TRAT1: variants seen among roughly 807,000 people sequenced by gnomAD.
TRAT1 encodes the protein T cell receptor associated transmembrane adaptor 1.
Under a neutral mutation model 20.0 loss-of-function variants are expected in TRAT1, and 20 were observed. That is an observed-to-expected ratio of 1.00 (90% CI 0.70 to 1.45). The LOEUF is 1.45. TRAT1 is among the 40% of genes most tolerant of loss of function. The pLI, the probability that TRAT1 is intolerant of heterozygous loss-of-function variation, is 0.00. For synonymous variants in TRAT1, 77 were observed against 74.2 expected, an observed-to-expected ratio of 1.04 and a Z score of -0.20; for missense variants, 237 against 224.1, an observed-to-expected ratio of 1.06 and a Z score of -0.37.
intron 2 of TRAT1, among the ~76,000 whole-genome samples, chr3:108,836,992 T>C (rs1192296604): frequency 1.3e-5 from 2 of 152,224 alleles, no homozygotes. Flanking sequence ...GAAATCAACA[T>C]ATACTTTATG....
chr3:108,830,825 G>C, intron 2 of TRAT1, 45 bp downstream of exon 2: 1 of 1,236,908 alleles, frequency 8.1e-7, no homozygotes, highest in Non-Finnish European at 1.2e-6. Flanking sequence ...CTTGAATGGA[G>C]ACTATGGAGT....
Position 108,843,369 on chromosome 3 carries a change from A to G in TRAT1, c.153-3699A>G, listed in dbSNP as rs114558991. 9.7e-3 allele frequency among the ~76,000 whole-genome samples: 1,473 copies of G among 152,148 alleles called. 26 individuals are homozygous for G. Among genetic ancestry groups the G allele is most frequent in the African/African-American group, 0.034 (1,423 of 41,490 alleles). ...ACATAGTAAAACTCTGTCTCCATTAAAAATACAAAAATTTGCTGGGCATGT... is the reference window on the plus strand; with the variant it reads ...ACATAGTAAAACTCTGTCTCCATTAGAAATACAAAAATTTGCTGGGCATGT... On this transcript the variant is annotated intron_variant, in intron 3 of 5. Transcript: ENST00000295756.
chr3:108,833,799 T>TACACACACACACACACACAC (rs3054303), intron 2 of TRAT1, among the ~76,000 whole-genome samples: 9 of 146,636 alleles, frequency 6.1e-5, no homozygotes, highest in African/African-American at 2.0e-4. Context: ...TTGTAAGAAT[T>TACACACACACACACACACAC]ACACACACAC....
At chr3:108,848,647 T>G (rs146180309) in intron 4 of TRAT1, among the ~76,000 whole-genome samples, 1,545 of 152,302 alleles carry the variant, frequency 0.01, 19 homozygotes, top group Middle Eastern at 0.017. Flanking sequence ...TGTCCGTCAC[T>G]GATTGATGGG....
chr3:108,849,699 G>T (rs1320509754), intron 5 of TRAT1, among the ~76,000 whole-genome samples: 1 of 152,194 alleles, frequency 6.6e-6, no homozygotes, highest in Non-Finnish European at 1.5e-5. Context: ...AAAGGCAGAT[G>T]ACTTTCAATT....
At chr3:108,849,145 A>G (rs542104431) in intron 4 of TRAT1, 21 bp from the exon 5 acceptor site, 1 of 1,597,990 alleles carries the variant, frequency 6.3e-7, no homozygotes, top group South Asian at 1.1e-5. Flanking sequence ...ATTGTGAATC[A>G]CAATCTTTTT....
chr3:108,825,938 A>C (rs1472147703), intron 1 of TRAT1, among the ~76,000 whole-genome samples: 1 of 152,162 alleles, frequency 6.6e-6, no homozygotes, highest in African/African-American at 2.4e-5. Flanking sequence ...GAAGTCACTA[A>C]ATACAGAGAA....
intron 2 of TRAT1, among the ~76,000 whole-genome samples, chr3:108,837,916 A>T (rs1172757822): frequency 6.6e-6 from 1 of 152,200 alleles, no homozygotes; most frequent in Non-Finnish European, 1.5e-5. Context: ...ATTAAAGAAA[A>T]TTCTTAAAAC....
At chr3:108,841,726 CT>C (rs1472392151) in intron 3 of TRAT1, among the ~76,000 whole-genome samples, 1 of 152,138 alleles carries the variant, frequency 6.6e-6, no homozygotes, top group East Asian at 1.9e-4. Flanking sequence ...AACATGATCA[CT>C]TTAAGGAAAC....
chr3:108,824,550 T>C (rs1945719762), intron 1 of TRAT1, among the ~76,000 whole-genome samples: 1 of 152,216 alleles, frequency 6.6e-6, no homozygotes, highest in Non-Finnish European at 1.5e-5. Context: ...TTAATTAGTA[T>C]GCTTTGTACT....
At chr3:108,842,269 C>T (rs1945902530) in intron 3 of TRAT1, among the ~76,000 whole-genome samples, 2 of 152,186 alleles carry the variant, frequency 1.3e-5, no homozygotes, top group African/African-American at 4.8e-5. Flanking sequence ...CTCAGCTACT[C>T]TTCTACTTTC....
intron 1 of TRAT1, among the ~76,000 whole-genome samples, chr3:108,828,387 A>G (rs1366272880): frequency 6.6e-6 from 1 of 152,162 alleles, no homozygotes; most frequent in Admixed American, 6.5e-5. Flanking sequence ...AAGATAACCA[A>G]ATAAGTCAAG....
chr3:108,835,549 T>A (rs113538316), intron 2 of TRAT1, among the ~76,000 whole-genome samples: 1 of 152,196 alleles, frequency 6.6e-6, no homozygotes, highest in South Asian at 2.1e-4. Context: ...TTAAAGAGAT[T>A]ATAACCTTCT....
At chr3:108,852,543 A>C (rs1278347209) in intron 5 of TRAT1, among the ~76,000 whole-genome samples, 1 of 152,196 alleles carries the variant, frequency 6.6e-6, no homozygotes, top group Non-Finnish European at 1.5e-5. Flanking sequence ...AATGTTGTTA[A>C]TCCAAATGTT....
rs113436389 is a variant in TRAT1, at chr3:108,850,398, G to A, written c.303+1144G>A. Among the ~76,000 whole-genome samples, 601 of 151,244 alleles carry A rather than the reference G, an allele frequency of 4.0e-3. 4 individuals are homozygous for A. The highest frequency in any genetic ancestry group is 0.017 in the Middle Eastern group (5 of 290). ...CCACTCACTGCAACCTCTGCCTCCC[G>A]GGTTCAAGCGATTCTCCTGCCTCAG... On this transcript the variant is annotated intron_variant, in intron 5 of 5. Coordinates refer to ENST00000295756, the MANE Select transcript of TRAT1 (RefSeq NM_016388.4).
chr3:108,840,559 A>C (rs62266464), intron 3 of TRAT1, among the ~76,000 whole-genome samples: 9,790 of 150,448 alleles, frequency 0.065, 422 homozygotes, highest in Middle Eastern at 0.17. Context: ...AAAAGCTTTT[A>C]TAACATTTAT....
intron 1 of TRAT1, among the ~76,000 whole-genome samples, chr3:108,830,135 T>C (rs888131788): frequency 1.3e-5 from 2 of 152,152 alleles, no homozygotes; most frequent in East Asian, 1.9e-4. Flanking sequence ...TTTACATTCA[T>C]GGGGCTCTAC....
chr3:108,833,341 C>A (rs903438003), intron 2 of TRAT1, among the ~76,000 whole-genome samples: 1 of 152,090 alleles, frequency 6.6e-6, no homozygotes, highest in Non-Finnish European at 1.5e-5. Flanking sequence ...TCGCTTAAAC[C>A]CAGGAGGCAG....
chr3:108,850,407 C>T (rs1032103975), intron 5 of TRAT1, among the ~76,000 whole-genome samples: 2 of 151,806 alleles, frequency 1.3e-5, no homozygotes, highest in Non-Finnish European at 2.9e-5. Context: ...CGGGTTCAAG[C>T]GATTCTCCTG....
Sources: gnomAD v4.1 joint callset for allele counts (sites outside exome capture counted in the v4.1 genomes callset) on GRCh38, gnomAD v4.1.1 for gene constraint, MANE v1.5 for transcripts, NCBI Gene and HGNC (gene_info 2026-07-23, HGNC 2026-07-21) for gene names.